SEMA6D: variants seen among roughly 807,000 people sequenced by gnomAD.
The protein encoded by SEMA6D is semaphorin 6D.
Under a neutral mutation model 106.6 loss-of-function variants are expected in SEMA6D, and 35 were observed. The ratio of observed to expected loss-of-function variants is 0.33; its 90% CI spans 0.25 to 0.44. SEMA6D has a LOEUF of 0.44. Among genes scored for constraint, SEMA6D ranks in the 20% least tolerant of loss-of-function variants. SEMA6D has a pLI of 1.00. For synonymous variants in SEMA6D, 499 were observed against 487.7 expected (o/e 1.02, Z -0.31); for missense variants, 1,185 against 1,345.9 (o/e 0.88, Z 1.87).
In SEMA6D at chr15:47,768,627, A is replaced by G; in HGVS notation, c.1812A>G (p.Pro604=). 6.2e-7 allele frequency: 1 copy of G among 1,613,504 alleles called. No individual in the cohort carries two copies. The highest frequency in any genetic ancestry group is 8.5e-7 in the Non-Finnish European group (1 of 1,179,554). Residue 604 remains proline (P), a synonymous_variant, in exon 18 of 19, where the codon CCA becomes CCG. Transcript: ENST00000536845. ...SSSVTTMASI[P]EITPKVIDTW... ...CTGTTACCACAATGGCAAGTATCCC[A>G]GAAATCACACCTAAAGTGATTGATA...
intron 1 of SEMA6D, among the ~76,000 whole-genome samples, chr15:47,304,471 T>A (rs2036154190): frequency 3.5e-5 from 4 of 114,848 alleles, no homozygotes; most frequent in African/African-American, 1.3e-4. Flanking sequence ...AAAAAAAAAT[T>A]CTCTTAGTGT....
intron 4 of SEMA6D, among the ~76,000 whole-genome samples, chr15:47,656,554 A>G (rs1465403033): frequency 6.6e-6 from 1 of 152,184 alleles, no homozygotes; most frequent in East Asian, 1.9e-4. Context: ...GTATTTAACA[A>G]TGTATTGTTT....
At chr15:47,483,068 T>C (rs1273397266) in intron 3 of SEMA6D, among the ~76,000 whole-genome samples, 1 of 152,124 alleles carries the variant, frequency 6.6e-6, no homozygotes, top group Non-Finnish European at 1.5e-5. Flanking sequence ...TTATTAGAAG[T>C]TGATAAGTAC....
chr15:47,732,626 T>G (rs140646150), intron 1 of SEMA6D, among the ~76,000 whole-genome samples: 1 of 152,324 alleles, frequency 6.6e-6, no homozygotes, highest in Non-Finnish European at 1.5e-5. Context: ...ACATTGTTAT[T>G]TATACCATTG....
At chr15:47,692,011 G>C (rs1035131589) in intron 4 of SEMA6D, among the ~76,000 whole-genome samples, 2 of 152,196 alleles carry the variant, frequency 1.3e-5, no homozygotes. Flanking sequence ...CAAAGAGCAA[G>C]AGGAAAAGCA....
intron 1 of SEMA6D, among the ~76,000 whole-genome samples, chr15:47,748,215 C>T (rs577792002): frequency 2.0e-5 from 3 of 152,322 alleles, no homozygotes; most frequent in Admixed American, 6.5e-5. Flanking sequence ...ATTGTGCCAA[C>T]GCTGCAGGAG....
intron 4 of SEMA6D, among the ~76,000 whole-genome samples, chr15:47,704,900 A>G (rs1391569732): frequency 6.6e-6 from 1 of 152,318 alleles, no homozygotes; most frequent in East Asian, 1.9e-4. Flanking sequence ...ATAGCAAAAA[A>G]TTATCCTATT....
intron 1 of SEMA6D, among the ~76,000 whole-genome samples, chr15:47,279,022 T>C (rs1337050968): frequency 1.5e-5 from 2 of 130,054 alleles, no homozygotes; most frequent in Non-Finnish European, 3.2e-5. Context: ...TGTAGCCTTG[T>C]AGTATAGTTT....
chr15:47,715,850 G>T (rs1473908843), upstream of SEMA6D, among the ~76,000 whole-genome samples: 1 of 152,166 alleles, frequency 6.6e-6, no homozygotes, highest in Non-Finnish European at 1.5e-5. Context: ...CAGGTGGGTG[G>T]CGATTTGACT....
chr15:47,529,197 A>T (rs563738715), intron 3 of SEMA6D, among the ~76,000 whole-genome samples: 4 of 152,306 alleles, frequency 2.6e-5, no homozygotes, highest in South Asian at 2.1e-4. Context: ...GTGTATCATC[A>T]TAAAGGTCTT....
intron 1 of SEMA6D, among the ~76,000 whole-genome samples, chr15:47,281,205 G>T (rs1420100417): frequency 7.8e-6 from 1 of 128,958 alleles, no homozygotes; most frequent in Non-Finnish European, 1.6e-5. Context: ...TATGAATCTT[G>T]GTGCTCCTGT....
intron 3 of SEMA6D, among the ~76,000 whole-genome samples, chr15:47,587,267 G>A (rs2076358804): frequency 6.6e-6 from 1 of 152,056 alleles, no homozygotes; most frequent in East Asian, 1.9e-4. Flanking sequence ...TTTCAAAGTG[G>A]TCCCATCACC....
intron 1 of SEMA6D, among the ~76,000 whole-genome samples, chr15:47,357,059 A>G (rs1297543116): frequency 2.6e-5 from 4 of 151,412 alleles, no homozygotes; most frequent in African/African-American, 9.7e-5. Context: ...GTGCGGCTGG[A>G]TGCGGTGGCT....
Position 47,766,000 on chromosome 15 carries a change from C to A in SEMA6D, c.1559C>A (p.Ser520Ter). The A allele has an allele frequency of 6.2e-7, 1 of 1,601,044 alleles. No individual in the cohort carries two copies. The highest frequency in any genetic ancestry group is 8.5e-7 in the Non-Finnish European group (1 of 1,172,758). Reference sequence around the variant, plus strand: ...CTCAGTCGCTGTGAGCGTTATGGATCATGTAAAAAGTAAGCTCGTGTTTCT... The same window carrying A: ...CTCAGTCGCTGTGAGCGTTATGGATAATGTAAAAAGTAAGCTCGTGTTTCT... ...IPLSRCERYG[S>*]CKKSCIASRD... is the part of the protein sequence containing the mutation. The change falls in exon 14 of 19, where the codon TCA (serine) becomes TAA (stop). Residue 520 changes from serine (S) to a stop codon, truncating the protein, a stop_gained. Transcript: ENST00000536845. LOFTEE classifies it high-confidence loss of function.
At chr15:47,708,711 A>G (rs1329195788) in intron 4 of SEMA6D, among the ~76,000 whole-genome samples, 1 of 152,218 alleles carries the variant, frequency 6.6e-6, no homozygotes, top group South Asian at 2.1e-4. Context: ...CTGTCTAGTA[A>G]GTAATAAAAC....
chr15:47,314,405 T>C (rs367949635), intron 1 of SEMA6D, among the ~76,000 whole-genome samples: 13 of 151,004 alleles, frequency 8.6e-5, no homozygotes, highest in East Asian at 2.0e-4. Context: ...GAGACCATCC[T>C]GGCTAAAACG....
intron 4 of SEMA6D, among the ~76,000 whole-genome samples, chr15:47,685,543 A>C (rs534797440): frequency 9.9e-5 from 15 of 152,266 alleles, no homozygotes; most frequent in Non-Finnish European, 1.9e-4. Flanking sequence ...ATATTTATCA[A>C]ACTTTGCCCA....
chr15:47,771,218 T>C lies in SEMA6D; in HGVS notation c.2655T>C (p.His885=). 1 of 1,614,062 alleles carries C rather than the reference T, an allele frequency of 6.2e-7. No individual in the cohort carries two copies. Among genetic ancestry groups the C allele is most frequent in the South Asian group, 1.1e-5 (1 of 91,084 alleles). Residue 885 remains histidine (H), a synonymous_variant, in exon 19 of 19, where the codon CAT becomes CAC. Transcript: ENST00000536845. ...ATACCCTCAATGATCTCCTGAAGCA[T>C]CTGAATGACCCAAATAGTAACCCCA... ...SRNTLNDLLK[H]LNDPNSNPKA...
intron 3 of SEMA6D, among the ~76,000 whole-genome samples, chr15:47,517,106 T>C (rs2044412038): frequency 6.6e-6 from 1 of 152,150 alleles, no homozygotes; most frequent in Non-Finnish European, 1.5e-5. Flanking sequence ...GTGTTTTTAG[T>C]TCTTTAGCTG....
Sources: allele counts gnomAD v4.1 joint callset (sites outside exome capture counted in the v4.1 genomes callset), GRCh38; gene constraint gnomAD v4.1.1; transcripts MANE v1.5; gene names NCBI Gene and HGNC (gene_info 2026-07-23, HGNC 2026-07-21).